CCND2: variants seen among roughly 807,000 people sequenced by gnomAD.
The protein encoded by CCND2 is G1/S-specific cyclin-D2.
Under a neutral mutation model 30.2 loss-of-function variants are expected in CCND2, and 6 were observed. The ratio of observed to expected loss-of-function variants is 0.20; its 90% CI spans 0.11 to 0.39. The LOEUF is 0.39. Among genes scored for constraint, CCND2 ranks in the 10% least tolerant of loss-of-function variants. CCND2 has a pLI of 1.00. For missense variants in CCND2, 235 were observed against 373.4 expected, an observed-to-expected ratio of 0.63 and a Z score of 3.06; for synonymous variants, 150 against 153.1, an observed-to-expected ratio of 0.98 and a Z score of 0.15.
In CCND2 at chr12:4,294,179, C is replaced by T. The variant is rs556878482; in HGVS notation, c.720+5189C>T. 7.3e-5 allele frequency among the ~76,000 whole-genome samples: 11 copies of T among 151,584 alleles called. No homozygotes were observed. In the South Asian group the frequency reaches 1.7e-3, roughly 23 times the overall value. ...TGGAGGCAGAGGAGGGTGCAGGGCG[C>T]GGAGCTCGAGCCAGCAAGCAGAGGA... On this transcript the variant is annotated intron_variant, in intron 4 of 4. Transcript: ENST00000261254.
Position 4,299,802 on chromosome 12 carries a change from A to C in CCND2, c.721-58A>C. ...GCTAAATTACGCATGTTTTCTCCGT[A>C]GGATGCTCTATGTCCTGTTCCTCTT... is the stretch of plus-strand genomic sequence containing the variant. On this transcript the variant is annotated intron_variant, in intron 4 of 4. Coordinates refer to ENST00000261254, the MANE Select transcript of CCND2 (RefSeq NM_001759.4). The surrounding 1 kb of genome is among the most constrained non-coding windows in gnomAD (Gnocchi z 5.2). 6.6e-7 allele frequency: 1 copy of C among 1,508,820 alleles called. No homozygotes were observed. 93.5% of individuals were successfully genotyped at this position (1,508,820 alleles called of 1,614,324 possible).
intron 3 of CCND2, among the ~76,000 whole-genome samples, chr12:4,284,485 C>T (rs1332477139): frequency 1.3e-5 from 2 of 152,182 alleles, no homozygotes; most frequent in Admixed American, 6.5e-5. Context: ...CCTCTGTTGC[C>T]CATGGCAAGG....
Position 4,301,472 on chromosome 12 carries a change from C to CT in CCND2, c.*1479dup, listed in dbSNP as rs772219810. On this transcript the variant is annotated 3_prime_UTR_variant, in exon 5 of 5. Coordinates refer to ENST00000261254, the MANE Select transcript of CCND2 (RefSeq NM_001759.4). ...GTTAGCAAAGAGGTTGGAGCAACAA[C>CT]TTTTTTTTTTTTTTTTGCACAATTG... is the stretch of plus-strand genomic sequence containing the variant. 0.036 allele frequency: 7,347 copies of CT among 206,068 alleles called. 44 individuals carry two copies. The highest frequency in any genetic ancestry group is 0.052 in the African/African-American group (2,073 of 40,004). The allele number at this position is 206,068 out of a possible 1,614,324, so 12.8% of individuals were successfully genotyped here. A position where few individuals can be genotyped will look rare whatever the true frequency, so the allele number is the denominator to read the frequency against.
intron 4 of CCND2, among the ~76,000 whole-genome samples, chr12:4,296,551 A>C (rs1178784714): frequency 6.6e-6 from 1 of 152,266 alleles, no homozygotes; most frequent in Admixed American, 6.5e-5. Context: ...GTCAGCCGAG[A>C]ATCCTGCCAT....
In CCND2 at chr12:4,302,424, A is replaced by C. The variant is rs1864262272; in HGVS notation, c.*2415A>C. On this transcript the variant is annotated 3_prime_UTR_variant, in exon 5 of 5. Transcript: ENST00000261254. ...GGAGCTTTTTCAAAAGCGGGGCTTCATCTGCAAAGGGCCCTTTCATCTTGA... is the reference window on the plus strand; with the variant it reads ...GGAGCTTTTTCAAAAGCGGGGCTTCCTCTGCAAAGGGCCCTTTCATCTTGA... 1 of 233,012 alleles carries C rather than the reference A, an allele frequency of 4.3e-6. No individual in the cohort carries two copies. Among genetic ancestry groups the C allele is most frequent in the Non-Finnish European group, 8.5e-6 (1 of 117,982 alleles). The allele number at this position is 233,012 out of a possible 1,614,324, so 14.4% of individuals were successfully genotyped here.
rs1338981798 is a variant in CCND2, at chr12:4,301,969, T to A, written c.*1960T>A. 1 of 207,718 alleles carries A rather than the reference T, an allele frequency of 4.8e-6. No homozygotes were observed. Among genetic ancestry groups the A allele is most frequent in the Non-Finnish European group, 9.8e-6 (1 of 102,384 alleles). 12.9% of individuals were successfully genotyped at this position (207,718 alleles called of 1,614,324 possible). ...GTTTTTTTTTTTTCCTCTGATCACA[T>A]TCTTCAAAGACGGAGTATTCTTTAC... is the stretch of plus-strand genomic sequence containing the variant. On this transcript the variant is annotated 3_prime_UTR_variant, in exon 5 of 5. Transcript: ENST00000261254.
chr12:4,296,537 C>T (rs1864172011), intron 4 of CCND2, among the ~76,000 whole-genome samples: 1 of 152,266 alleles, frequency 6.6e-6, no homozygotes, highest in South Asian at 2.1e-4. Context: ...CGCAAGTTCC[C>T]TCAGTCAGCC....
In CCND2 at chr12:4,282,448, G is replaced by A. The variant is rs3217825; in HGVS notation, c.571+3529G>A. Among the ~76,000 whole-genome samples the A allele has an allele frequency of 1.3e-4, 20 of 152,288 alleles. No homozygotes were observed. The highest frequency in any genetic ancestry group is 2.6e-4 in the Admixed American group (4 of 15,304). On this transcript the variant is annotated intron_variant, in intron 3 of 4. Transcript: ENST00000261254. This position sits in a 1 kb window ranked among gnomAD's most constrained non-coding sequence, Gnocchi z 4.3. ...TACAGGTGTTCCCTCAGATTCCATC[G>A]CCAAGTGAGAGGGAGACAGTGGTGG...
At chr12:4,284,504 T>C (rs986719685) in intron 3 of CCND2, among the ~76,000 whole-genome samples, 1 of 152,222 alleles carries the variant, frequency 6.6e-6, no homozygotes, top group South Asian at 2.1e-4. Flanking sequence ...GGCGTGTGGC[T>C]GCTCCTGCTC....
At chr12:4,297,995 T>C (rs1305829651) in intron 4 of CCND2, 2 of 268,330 alleles carry the variant, frequency 7.5e-6, no homozygotes, top group Non-Finnish European at 1.6e-5. Flanking sequence ...CTTGACTAAA[T>C]GCGAATCTAT....
intron 3 of CCND2, among the ~76,000 whole-genome samples, chr12:4,288,336 G>T (rs570687120): frequency 6.7e-6 from 1 of 148,352 alleles, no homozygotes; most frequent in Non-Finnish European, 1.5e-5. Context: ...CATAGATTTT[G>T]CCCGTTTCTC....
Position 4,273,847 on chromosome 12 carries a change from G to C in CCND2, c.-194G>C. 1.6e-6 allele frequency: 1 copy of C among 617,096 alleles called. No individual in the cohort carries two copies. The allele number at this position is 617,096 out of a possible 1,614,324, so 38.2% of individuals were successfully genotyped here. A position where few individuals can be genotyped will look rare whatever the true frequency, so the allele number is the denominator to read the frequency against. On this transcript the variant is annotated 5_prime_UTR_variant, in exon 1 of 5. Coordinates refer to ENST00000261254, the MANE Select transcript of CCND2 (RefSeq NM_001759.4). This position sits in a 1 kb window ranked among gnomAD's most constrained non-coding sequence, Gnocchi z 5.9. ...GTGAGGCAGCCCCGAGGCTCTGCTC[G>C]CCCACCACCCAATCCTCGCCTCCCT... is the stretch of plus-strand genomic sequence containing the variant.
In CCND2 at chr12:4,301,001, C is replaced by T. The variant is rs908395826; in HGVS notation, c.*992C>T. The T allele has an allele frequency of 2.1e-5, 5 of 233,556 alleles. No homozygotes were observed. Among genetic ancestry groups the T allele is most frequent in the Admixed American group, 5.6e-5 (1 of 17,780 alleles). 14.5% of individuals were successfully genotyped at this position (233,556 alleles called of 1,614,324 possible). A position where few individuals can be genotyped will look rare whatever the true frequency, so the allele number is the denominator to read the frequency against. ...AGCACTTTGAAAAATTGTTCCCGAG[C>T]GATAGATGGGATGGTTTATGCAAGT... On this transcript the variant is annotated 3_prime_UTR_variant, in exon 5 of 5. Coordinates refer to ENST00000261254, the MANE Select transcript of CCND2 (RefSeq NM_001759.4).
intron 4 of CCND2, among the ~76,000 whole-genome samples, chr12:4,291,087 T>C (rs1249298558): frequency 6.6e-6 from 1 of 152,026 alleles, no homozygotes; most frequent in Non-Finnish European, 1.5e-5. Context: ...TTCATAACAC[T>C]TTTTCAAAGA....
rs536822360 is a variant in CCND2 at position 4,301,919 on chromosome 12, T to G, written c.*1910T>G. 1.5e-4 allele frequency: 35 copies of G among 231,632 alleles called. No individual in the cohort carries two copies. Among genetic ancestry groups the G allele is most frequent in the Admixed American group, 6.2e-4 (11 of 17,744 alleles). 14.3% of individuals were successfully genotyped at this position (231,632 alleles called of 1,614,324 possible). A position where few individuals can be genotyped will look rare whatever the true frequency, so the allele number is the denominator to read the frequency against. ...TTCTGGTAGCATATTCATGGTTGTTTTTTTTTTTCTTTTTTGGTTTTTTGG... is the reference window on the plus strand; with the variant it reads ...TTCTGGTAGCATATTCATGGTTGTTGTTTTTTTTCTTTTTTGGTTTTTTGG... On this transcript the variant is annotated 3_prime_UTR_variant, in exon 5 of 5. Coordinates refer to ENST00000261254, the MANE Select transcript of CCND2 (RefSeq NM_001759.4).
chr12:4,275,936 T>A (rs536143012), intron 1 of CCND2, 69 bp from the exon 2 acceptor site: 56 of 1,015,380 alleles, frequency 5.5e-5, no homozygotes, highest in Non-Finnish European at 8.0e-5. Flanking sequence ...GCTTTTTTAT[T>A]CTTTTTCTCT....
At position 4,299,231 on chromosome 12, in the gene CCND2, G is replaced by T. The variant is rs368822253; in HGVS notation, c.721-629G>T. On this transcript the variant is annotated intron_variant, in intron 4 of 4. Transcript: ENST00000261254. This position sits in a 1 kb window ranked among gnomAD's most constrained non-coding sequence, Gnocchi z 5.2. The stretch of plus-strand genomic sequence containing the variant: ...AAAAATTAGCCAGGCGCGGTGGCGG[G>T]TGCCTGTAGTCCCAGCTACTTGGGA... Among the ~76,000 whole-genome samples the T allele has an allele frequency of 6.6e-6, 1 of 152,172 alleles. No individual in the cohort carries two copies. Among genetic ancestry groups the T allele is most frequent in the Non-Finnish European group, 1.5e-5 (1 of 68,028 alleles).
intron 4 of CCND2, among the ~76,000 whole-genome samples, chr12:4,296,797 A>G (rs540281349): frequency 7.2e-5 from 11 of 152,354 alleles, no homozygotes; most frequent in Non-Finnish European, 1.2e-4. Context: ...CCTGGATTCA[A>G]TGGATTCTTC....
rs1864258178 is a variant in CCND2, at chr12:4,302,093, C to T, written c.*2084C>T. 4.3e-6 allele frequency: 1 copy of T among 233,042 alleles called. No individual in the cohort carries two copies. Among genetic ancestry groups the T allele is most frequent in the African/African-American group, 2.2e-5 (1 of 45,230 alleles). The allele number at this position is 233,042 out of a possible 1,614,324, so 14.4% of individuals were successfully genotyped here. A position where few individuals can be genotyped will look rare whatever the true frequency, so the allele number is the denominator to read the frequency against. On this transcript the variant is annotated 3_prime_UTR_variant, in exon 5 of 5. Transcript: ENST00000261254. ...ACCGTACAGTTTCTGCTTGGGAGCC[C>T]ATTCGCATGAGGAATACAGAAGCAG... is the stretch of plus-strand genomic sequence containing the variant.
Sources: gnomAD v4.1 joint callset for allele counts (sites outside exome capture counted in the v4.1 genomes callset) on GRCh38, gnomAD v4.1.1 for gene constraint, Gnocchi (gnomAD v3.1) non-coding constraint, MANE v1.5 for transcripts, NCBI Gene and HGNC (gene_info 2026-07-23, HGNC 2026-07-21) for gene names.